Variants in HDAC9 observed in about 807,000 individuals in gnomAD.
HDAC9 encodes the protein histone deacetylase 9.
A neutral mutation model predicts 139.4 loss-of-function variants in HDAC9; 41 were observed. The ratio of observed to expected loss-of-function variants is 0.29; its 90% CI spans 0.23 to 0.38. The LOEUF (loss-of-function observed/expected upper bound fraction) is 0.38, where lower values mean the gene tolerates loss of function less well. Among genes scored for constraint, HDAC9 ranks in the 10% least tolerant of loss-of-function variants. HDAC9 has a pLI of 1.00. For missense variants in HDAC9, 1,147 were observed against 1,297.0 expected, an observed-to-expected ratio of 0.88 and a Z score of 1.78; for synonymous variants, 517 against 476.2, an observed-to-expected ratio of 1.09 and a Z score of -1.12.
intron 1 of HDAC9, among the ~76,000 whole-genome samples, chr7:18,407,554 T>C (rs1946930630): frequency 6.7e-6 from 1 of 150,180 alleles, no homozygotes; most frequent in Non-Finnish European, 1.5e-5. Context: ...GGTAAGATCT[T>C]GGATAAAAAA....
chr7:18,915,060 CACTG>C (rs1392004963), intron 22 of HDAC9, among the ~76,000 whole-genome samples: 1 of 151,976 alleles, frequency 6.6e-6, no homozygotes, highest in South Asian at 2.1e-4. Context: ...GATATATGAC[CACTG>C]ACTGACAACA....
At chr7:18,137,538 C>G (rs892209009) in intron 1 of HDAC9, among the ~76,000 whole-genome samples, 12 of 151,798 alleles carry the variant, frequency 7.9e-5, no homozygotes, top group African/African-American at 2.9e-4. Context: ...TTGTCAAAGG[C>G]CTTTTCTGCA....
chr7:18,629,285 A>G (rs546346802), intron 6 of HDAC9, 65 bp from the exon 7 acceptor site: 39 of 1,393,330 alleles, frequency 2.8e-5, no homozygotes, highest in Non-Finnish European at 3.5e-5. Context: ...TTTTTAACAC[A>G]TGAGCAATTG....
chr7:18,963,043 T>C, intron 24 of HDAC9, among the ~76,000 whole-genome samples: 1 of 152,050 alleles, frequency 6.6e-6, no homozygotes, highest in Non-Finnish European at 1.5e-5. Context: ...GATTGCCTCT[T>C]CCCAAGTATA....
chr7:18,264,373 G>T (rs753005535), intron 2 of HDAC9, among the ~76,000 whole-genome samples: 5 of 152,026 alleles, frequency 3.3e-5, no homozygotes, highest in Admixed American at 2.0e-4. Context: ...TAAGAATTTA[G>T]TAAATTCTCA....
At chr7:18,371,407 A>G (rs954578422) in intron 1 of HDAC9, among the ~76,000 whole-genome samples, 1 of 152,208 alleles carries the variant, frequency 6.6e-6, no homozygotes, top group African/African-American at 2.4e-5. Flanking sequence ...TTCTGGTTAA[A>G]TGCATTAACT....
chr7:18,888,550 G>T (rs1044067535), intron 22 of HDAC9, among the ~76,000 whole-genome samples: 1 of 152,194 alleles, frequency 6.6e-6, no homozygotes, highest in Non-Finnish European at 1.5e-5. Flanking sequence ...TTTTTAAAAT[G>T]CAAAACTTGT....
chr7:18,262,054 A>C lies in HDAC9; in HGVS notation c.25+99705A>C, dbSNP rs1381791554. Among the ~76,000 whole-genome samples the C allele has an allele frequency of 3.3e-5, 5 of 152,230 alleles. No homozygotes were observed. The South Asian group carries it at 1.0e-3, about 31-fold the overall frequency. Reference sequence around the variant, plus strand: ...CTCAGGTATTATTGTAAAAATCAACAAGGACCATTTGAACACTGATAATAC... The same window carrying C: ...CTCAGGTATTATTGTAAAAATCAACCAGGACCATTTGAACACTGATAATAC... On this transcript the variant is annotated intron_variant, in intron 2 of 12. Coordinates refer to the HDAC9 transcript ENST00000417496.
At chr7:18,704,556 T>C (rs1161743676) in intron 12 of HDAC9, among the ~76,000 whole-genome samples, 1 of 152,228 alleles carries the variant, frequency 6.6e-6, no homozygotes. Context: ...CATTCTCAAA[T>C]GGCATTCTCA....
At chr7:18,867,793 T>C (rs1450288901) in intron 21 of HDAC9, among the ~76,000 whole-genome samples, 1 of 152,162 alleles carries the variant, frequency 6.6e-6, no homozygotes, top group Non-Finnish European at 1.5e-5. Context: ...GGGACTCCTA[T>C]TATTTAAATA....
chr7:18,117,938 C>T (rs961244461), intron 1 of HDAC9, among the ~76,000 whole-genome samples: 1 of 152,172 alleles, frequency 6.6e-6, no homozygotes, highest in Non-Finnish European at 1.5e-5. Flanking sequence ...CTTTCCTCCT[C>T]TCTTATGTTA....
chr7:18,297,275 C>A (rs1240210179), intron 1 of HDAC9, among the ~76,000 whole-genome samples: 1 of 152,080 alleles, frequency 6.6e-6, no homozygotes, highest in Non-Finnish European at 1.5e-5. Flanking sequence ...TAATTAAAAA[C>A]TGTTTTATGT....
rs530930982 is a variant in HDAC9, at chr7:18,853,372, G to A, written c.2684+17375G>A. 5.3e-3 allele frequency among the ~76,000 whole-genome samples: 806 copies of A among 152,102 alleles called. 7 individuals carry two copies. Among genetic ancestry groups the A allele is most frequent in the African/African-American group, 0.018 (763 of 41,478 alleles). On this transcript the variant is annotated intron_variant, in intron 21 of 25. Coordinates refer to ENST00000686413, the MANE Select transcript of HDAC9 (RefSeq NM_178425.4). ...ATTAGGAAAAAAAAATGAGTTTGGG[G>A]GTTTCTTACCAATTCTGAAAAGAAA... is the stretch of plus-strand genomic sequence containing the variant.
At chr7:18,356,434 T>G (rs1220501349) in intron 1 of HDAC9, among the ~76,000 whole-genome samples, 2 of 147,920 alleles carry the variant, frequency 1.4e-5, no homozygotes, top group Non-Finnish European at 3.0e-5. Context: ...CCCAGTTGTT[T>G]CAGATGAACT....
chr7:18,482,852 C>T (rs1222482557), intron 1 of HDAC9, among the ~76,000 whole-genome samples: 1 of 152,088 alleles, frequency 6.6e-6, no homozygotes, highest in Non-Finnish European at 1.5e-5. Flanking sequence ...CACTGAAGGC[C>T]CTTCTTCCCA....
intron 1 of HDAC9, among the ~76,000 whole-genome samples, chr7:18,382,047 A>C (rs1333068260): frequency 6.6e-6 from 1 of 152,156 alleles, no homozygotes; most frequent in Non-Finnish European, 1.5e-5. Context: ...GAACTCCCTC[A>C]TAAAAAAATC....
chr7:18,747,705 T>C (rs1021496860), intron 13 of HDAC9, among the ~76,000 whole-genome samples: 1 of 152,182 alleles, frequency 6.6e-6, no homozygotes, highest in Non-Finnish European at 1.5e-5. Context: ...GGATAGAGTT[T>C]GAAGCCATTT....
chr7:18,441,354 AC>A (rs1166613732), intron 1 of HDAC9, among the ~76,000 whole-genome samples: 1 of 152,108 alleles, frequency 6.6e-6, no homozygotes, highest in Non-Finnish European at 1.5e-5. Flanking sequence ...TTTTTGGATT[AC>A]CTTTTATCTT....
intron 12 of HDAC9, among the ~76,000 whole-genome samples, chr7:18,675,478 C>T (rs907978298): frequency 1.6e-4 from 25 of 152,012 alleles, no homozygotes; most frequent in Admixed American, 1.2e-3. Flanking sequence ...GTAATGAGTA[C>T]TAGCATAATG....
Sources: gnomAD v4.1 joint callset for allele counts (sites outside exome capture counted in the v4.1 genomes callset) on GRCh38, gnomAD v4.1.1 for gene constraint, MANE v1.5 for transcripts, NCBI Gene and HGNC (gene_info 2026-07-23, HGNC 2026-07-21) for gene names.